GRIA4: variants seen among roughly 807,000 people sequenced by gnomAD.
GRIA4 encodes glutamate receptor 4.
Under a neutral mutation model 104.0 loss-of-function variants are expected in GRIA4, and 34 were observed. The ratio of observed to expected loss-of-function variants is 0.33; its 90% confidence interval spans 0.25 to 0.44. The LOEUF (loss-of-function observed/expected upper bound fraction) is 0.44, where lower values mean the gene tolerates loss of function less well. Ranked by LOEUF, GRIA4 falls within the 20% of genes least tolerant of loss-of-function variation. The pLI is 1.00. For synonymous variants in GRIA4, 386 were observed against 381.9 expected (o/e 1.01, Z -0.13); for missense variants, 750 against 1,096.5 (o/e 0.68, Z 4.46).
At chr11:105,926,711 G>T in intron 12 of GRIA4, 30 bp from the exon 13 acceptor site, 1 of 1,405,458 alleles carries the variant, frequency 7.1e-7, no homozygotes, top group South Asian at 1.2e-5. Context: ...TTAAAGAAAG[G>T]AAAATGTGCA....
In GRIA4 at chr11:105,610,317, G is replaced by A. The variant is rs557849188; in HGVS notation, c.-202G>A. ...GGCGCTGGGGGTGCCCATCCCCAGAGTCGGTCCCTCTGCGAACCGAGGAAG... is the reference window on the plus strand; with the variant it reads ...GGCGCTGGGGGTGCCCATCCCCAGAATCGGTCCCTCTGCGAACCGAGGAAG... On this transcript the variant is annotated 5_prime_UTR_variant, in exon 1 of 17. Coordinates refer to ENST00000282499, the MANE Select transcript of GRIA4 (RefSeq NM_000829.4). 17 of 152,600 alleles carry A rather than the reference G, an allele frequency of 1.1e-4. No homozygotes were observed. The highest frequency in any genetic ancestry group is 3.8e-4 in the African/African-American group (16 of 41,594). 9.5% of individuals were successfully genotyped at this position (152,600 alleles called of 1,614,324 possible).
intron 3 of GRIA4, among the ~76,000 whole-genome samples, chr11:105,667,961 A>G (rs902354760): frequency 1.3e-5 from 2 of 151,698 alleles, no homozygotes; most frequent in African/African-American, 2.4e-5. Flanking sequence ...TGAATCATGT[A>G]TAACAAGAAT....
At chr11:105,791,515 C>T (rs1942214496) in intron 4 of GRIA4, among the ~76,000 whole-genome samples, 2 of 152,066 alleles carry the variant, frequency 1.3e-5, no homozygotes, top group South Asian at 4.1e-4. Context: ...AAGATTACTC[C>T]CATTTCAGTC....
chr11:105,634,468 G>GAAAGAAAGAAA (rs1951134673), intron 3 of GRIA4, among the ~76,000 whole-genome samples: 6 of 94,298 alleles, frequency 6.4e-5, no homozygotes, highest in African/African-American at 2.5e-4. Flanking sequence ...AGAAAGAAAG[G>GAAAGAAAGAAA]GAAAGAAAGA....
intron 7 of GRIA4, among the ~76,000 whole-genome samples, chr11:105,900,781 G>A (rs1453851746): frequency 2.0e-5 from 3 of 151,984 alleles, no homozygotes; most frequent in Non-Finnish European, 2.9e-5. Flanking sequence ...GTATAGACGG[G>A]GTTTCGCCAC....
chr11:105,805,111 A>C (rs981851779), intron 4 of GRIA4, among the ~76,000 whole-genome samples: 2 of 151,984 alleles, frequency 1.3e-5, no homozygotes, highest in African/African-American at 2.4e-5. Flanking sequence ...ATAATATTTT[A>C]AATTAACACT....
chr11:105,634,296 A>C (rs1951119238), intron 3 of GRIA4, among the ~76,000 whole-genome samples: 1 of 149,390 alleles, frequency 6.7e-6, no homozygotes, highest in Non-Finnish European at 1.5e-5. Context: ...GTAGTGAGCC[A>C]GGACTGTGCT....
At chr11:105,622,699 T>C (rs575597440) in intron 3 of GRIA4, among the ~76,000 whole-genome samples, 2 of 151,920 alleles carry the variant, frequency 1.3e-5, no homozygotes, top group African/African-American at 2.4e-5. Flanking sequence ...TTTTTACTTA[T>C]ATAAATTTAT....
rs1954054143 is a variant in GRIA4, at chr11:105,715,319, G to C, written c.248-37662G>C. On this transcript the variant is annotated intron_variant, in intron 3 of 16. Coordinates refer to ENST00000282499, the MANE Select transcript of GRIA4 (RefSeq NM_000829.4). ...CTACCTTCCCTATATTAAGTCTTAT[G>C]TTTGAAACATCTTTTAGAATTTAGT... Among the ~76,000 whole-genome samples the C allele has an allele frequency of 2.0e-5, 3 of 152,230 alleles. No individual in the cohort carries two copies. In the South Asian group the frequency reaches 6.2e-4, roughly 32 times the overall value.
At chr11:105,776,785 A>G (rs1941469746) in intron 4 of GRIA4, among the ~76,000 whole-genome samples, 1 of 152,166 alleles carries the variant, frequency 6.6e-6, no homozygotes, top group African/African-American at 2.4e-5. Context: ...CTCACAAAGC[A>G]TTTGTGAGTA....
chr11:105,701,574 A>G (rs1282509530), intron 3 of GRIA4, among the ~76,000 whole-genome samples: 1 of 152,076 alleles, frequency 6.6e-6, no homozygotes, highest in Non-Finnish European at 1.5e-5. Context: ...GTTCATATGA[A>G]TAGGAAACAA....
At chr11:105,747,202 T>C (rs933406176) in intron 3 of GRIA4, among the ~76,000 whole-genome samples, 9 of 152,088 alleles carry the variant, frequency 5.9e-5, no homozygotes, top group Non-Finnish European at 1.0e-4. Flanking sequence ...ATTGGAATAA[T>C]TGGGATAAGT....
chr11:105,876,372 G>A (rs909879600), intron 5 of GRIA4, among the ~76,000 whole-genome samples: 1 of 152,144 alleles, frequency 6.6e-6, no homozygotes, highest in South Asian at 2.1e-4. Context: ...AGGTGTTGCT[G>A]AGAAGAATGT....
intron 4 of GRIA4, 25 bp downstream of exon 4, chr11:105,753,245 A>G: frequency 1.9e-6 from 3 of 1,607,480 alleles, no homozygotes; most frequent in Non-Finnish European, 2.6e-6. Context: ...TTCATCTATT[A>G]GAGCAAAACT....
intron 3 of GRIA4, among the ~76,000 whole-genome samples, chr11:105,671,699 A>AAAAAAAAAAAT: frequency 6.6e-6 from 1 of 150,918 alleles, no homozygotes; most frequent in Non-Finnish European, 1.5e-5. Flanking sequence ...AAAAAAAAAA[A>AAAAAAAAAAAT]AAGAATAACT....
rs548905418 is a variant in GRIA4 at position 105,981,742 on chromosome 11, A to G, written c.*2003A>G. 6.5e-6 allele frequency: 1 copy of G among 152,776 alleles called. No individual in the cohort carries two copies. Among genetic ancestry groups the G allele is most frequent in the African/African-American group, 2.4e-5 (1 of 41,554 alleles). The allele number at this position is 152,776 out of a possible 1,614,324, so 9.5% of individuals were successfully genotyped here. ...TCCAAAGCAGCACATGGAGCACTGC[A>G]TAGACTATTTCCTCAGTGCGTAACT... On this transcript the variant is annotated 3_prime_UTR_variant, in exon 17 of 17. Transcript: ENST00000282499.
chr11:105,851,502 G>C (rs530665523), intron 4 of GRIA4, among the ~76,000 whole-genome samples: 3 of 152,272 alleles, frequency 2.0e-5, no homozygotes, highest in Non-Finnish European at 4.4e-5. Flanking sequence ...CTAGGGAAAT[G>C]TAAAGAAAAA....
intron 3 of GRIA4, among the ~76,000 whole-genome samples, chr11:105,737,895 A>G (rs1396538186): frequency 1.3e-5 from 2 of 152,164 alleles, no homozygotes; most frequent in South Asian, 2.1e-4. Context: ...TTTCAAAAAG[A>G]AAAGGGAAAA....
At chr11:105,739,164 C>T (rs1939154038) in intron 3 of GRIA4, among the ~76,000 whole-genome samples, 1 of 152,090 alleles carries the variant, frequency 6.6e-6, no homozygotes, top group Admixed American at 6.6e-5. Flanking sequence ...TCTTGCTCCT[C>T]GTGCTGAGTA....
Sources: gnomAD v4.1 joint callset for allele counts (sites outside exome capture counted in the v4.1 genomes callset) on GRCh38, gnomAD v4.1.1 for gene constraint, MANE v1.5 for transcripts, NCBI Gene and HGNC (gene_info 2026-07-23, HGNC 2026-07-21) for gene names.